The following ADAM9 variants were observed in gnomAD, a reference collection of about 807,000 sequenced individuals.
ADAM9 encodes disintegrin and metalloproteinase domain-containing protein 9.
A neutral mutation model predicts 108.1 loss-of-function variants in ADAM9; 54 were observed. The observed-to-expected ratio is 0.50, with a 90% CI of 0.40 to 0.63. The LOEUF is 0.63. ADAM9 is among the 20% of genes least tolerant of loss of function. The pLI, the probability that ADAM9 is intolerant of heterozygous loss-of-function variation, is 0.00. For synonymous variants in ADAM9, 316 were observed against 336.0 expected, an observed-to-expected ratio of 0.94 and a Z score of 0.65; for missense variants, 830 against 997.7, an observed-to-expected ratio of 0.83 and a Z score of 2.26.
Position 39,033,065 on chromosome 8 carries a change from T to C in ADAM9, c.1130+6255T>C, listed in dbSNP as rs117999288. Among the ~76,000 whole-genome samples the C allele has an allele frequency of 9.8e-3, 1,493 of 152,322 alleles. 11 individuals carry two copies. Among genetic ancestry groups the C allele is most frequent in the Non-Finnish European group, 0.017 (1,149 of 68,024 alleles). On this transcript the variant is annotated intron_variant, in intron 11 of 21. Transcript: ENST00000487273. ...TCTGCCTGTATGTGAGCATGAAATA[T>C]CTCTCCATTTATTTAGTTCTTTGAT...
Position 39,082,812 on chromosome 8 carries a change from A to T in ADAM9, c.1962+91A>T. The T allele has an allele frequency of 3.6e-6, 5 of 1,375,246 alleles. No homozygotes were observed. In the South Asian group the frequency reaches 5.9e-5, roughly 16 times the overall value. 85.2% of individuals were successfully genotyped at this position (1,375,246 alleles called of 1,614,324 possible). On this transcript the variant is annotated intron_variant, in intron 17 of 21. Coordinates refer to ENST00000487273, the MANE Select transcript of ADAM9 (RefSeq NM_003816.3). ...AGATGAGAGTTCCCAGGATTTTCAGATGTTGGGGAATTTAGATTCCTGATA... is the reference window on the plus strand; with the variant it reads ...AGATGAGAGTTCCCAGGATTTTCAGTTGTTGGGGAATTTAGATTCCTGATA...
At chr8:39,062,311 T>C (rs760657565) in intron 14 of ADAM9, among the ~76,000 whole-genome samples, 5 of 152,224 alleles carry the variant, frequency 3.3e-5, no homozygotes, top group Non-Finnish European at 7.3e-5. Context: ...ACCCTGCCTT[T>C]AGTTGAGAGT....
chr8:38,997,098 T>C lies in ADAM9; in HGVS notation c.35T>C (p.Leu12Pro). ...GGCGCGCGCTTTCCCTCGGGGACCC[T>C]TCGTGTCCGGTGGTTGCTGTTGCTT... ...GSGARFPSGT[L>P]RVRWLLLLGL... Residue 12 changes from leucine (L) to proline (P), a missense_variant, in exon 1 of 22, where the codon CTT (leucine) becomes CCT (proline). By Grantham distance (98) the Leu-to-Pro change is moderately conservative. Coordinates refer to ENST00000487273, the MANE Select transcript of ADAM9 (RefSeq NM_003816.3). The C allele has an allele frequency of 6.2e-7, 1 of 1,606,534 alleles. No homozygotes were observed.
chr8:39,071,490 C>T (rs1231508418), intron 15 of ADAM9, 87 bp downstream of exon 15: 18 of 1,055,754 alleles, frequency 1.7e-5, no homozygotes, highest in Middle Eastern at 2.3e-4. Context: ...TTTTTTGAGA[C>T]GGAGTCTTGC....
rs377321743 is a variant in ADAM9, at chr8:39,100,471, C to T, written c.2299-1392C>T. Among the ~76,000 whole-genome samples the T allele has an allele frequency of 7.4e-3, 1,098 of 148,638 alleles. 3 individuals carry two copies. Among genetic ancestry groups the T allele is most frequent in the Non-Finnish European group, 0.012 (805 of 67,486 alleles). ...TCGCGCCACTGCACTCCAGCCAGGG[C>T]GACAGAGCCAGACTCCGTCTCAAAA... On this transcript the variant is annotated intron_variant, in intron 20 of 21. Transcript: ENST00000487273.
At chr8:39,030,804 A>C (rs1475359380) in intron 11 of ADAM9, among the ~76,000 whole-genome samples, 9 of 152,186 alleles carry the variant, frequency 5.9e-5, no homozygotes, top group Non-Finnish European at 1.2e-4. Flanking sequence ...ATAGGCATGT[A>C]GTGGTATCTC....
chr8:39,080,424 A>G lies in ADAM9; in HGVS notation c.1882-2217A>G, dbSNP rs577086005. Among the ~76,000 whole-genome samples the G allele has an allele frequency of 7.0e-4, 107 of 152,276 alleles. 1 individual carries two copies. Among genetic ancestry groups the G allele is most frequent in the South Asian group, 4.8e-3 (23 of 4,824 alleles). On this transcript the variant is annotated intron_variant, in intron 16 of 21. Coordinates refer to ENST00000487273, the MANE Select transcript of ADAM9 (RefSeq NM_003816.3). The stretch of plus-strand genomic sequence containing the variant: ...ATAGTTTTCTAGCTATGACAATAAT[A>G]TTTATGTACAAGAAAGGATAGCAAG...
rs771587211 is a variant in ADAM9 at position 39,014,025 on chromosome 8, T to G, written c.315T>G (p.Thr105=). The change falls in exon 4 of 22, where the codon ACT becomes ACG. Residue 105 remains threonine (T), a synonymous_variant. Coordinates refer to ENST00000487273, the MANE Select transcript of ADAM9 (RefSeq NM_003816.3). ...YTYNKEGTLI[T]DHPNIQNHCH... is the part of the protein sequence containing the mutation. ...ACAACAAGGAAGGGACTTTAATCAC[T>G]GACCATCCCAATATACAGGTAATGT... 5.6e-6 allele frequency: 9 copies of G among 1,613,084 alleles called. No individual in the cohort carries two copies. Among genetic ancestry groups the G allele is most frequent in the Non-Finnish European group, 7.6e-6 (9 of 1,179,242 alleles).
chr8:39,038,918 C>CT (rs1274127480), intron 11 of ADAM9, among the ~76,000 whole-genome samples: 1 of 152,064 alleles, frequency 6.6e-6, no homozygotes, highest in Non-Finnish European at 1.5e-5. Flanking sequence ...CTCTGCCAGT[C>CT]TTTTAAAATC....
chr8:39,011,690 G>A lies in ADAM9; in HGVS notation c.228G>A (p.Glu76=), dbSNP rs906588804. ...ATGTTATTCAGGCTGAAGGAAAAGA[G>A]CATATTATTCACTTGGAAAGGAACA... The part of the protein sequence containing the change: ...VSYVIQAEGK[E]HIIHLERNKD... Residue 76 remains glutamate (E), a synonymous_variant, in exon 3 of 22, where the codon GAG becomes GAA. Coordinates refer to ENST00000487273, the MANE Select transcript of ADAM9 (RefSeq NM_003816.3). 1 of 1,611,846 alleles carries A rather than the reference G, an allele frequency of 6.2e-7. No homozygotes were observed. The highest frequency in any genetic ancestry group is 1.3e-5 in the African/African-American group (1 of 74,866).
Position 39,065,169 on chromosome 8 carries a change from G to T in ADAM9, c.1592-6129G>T, listed in dbSNP as rs192115242. ...GATTTCCTTGGATTTTGGATTTCCT[G>T]GATTTTCTTATCTTTCCTGTCTTTT... On this transcript the variant is annotated intron_variant, in intron 14 of 21. Coordinates refer to ENST00000487273, the MANE Select transcript of ADAM9 (RefSeq NM_003816.3). Among the ~76,000 whole-genome samples the T allele has an allele frequency of 4.2e-4, 63 of 150,000 alleles. 1 individual carries two copies. Among genetic ancestry groups the T allele is most frequent in the African/African-American group, 1.4e-3 (59 of 40,902 alleles).
chr8:39,076,047 AATAAT>A (rs1247279492), intron 15 of ADAM9: 1 of 152,258 alleles, frequency 6.6e-6, no homozygotes, highest in African/African-American at 2.4e-5. Context: ...CAAGGACATC[AATAAT>A]ATAATGTAGT....
intron 14 of ADAM9, among the ~76,000 whole-genome samples, chr8:39,070,946 A>G (rs567865695): frequency 4.6e-5 from 7 of 152,322 alleles, no homozygotes; most frequent in African/African-American, 1.7e-4. Context: ...CCAGTGGTGC[A>G]GTTGGTTTAT....
chr8:39,104,699 T>C lies in ADAM9; in HGVS notation c.*999T>C, dbSNP rs2129443727. On this transcript the variant is annotated 3_prime_UTR_variant, in exon 22 of 22. Transcript: ENST00000487273. ...TCATGTAAAATATTAGACACTAATATTTTCATAGAAATTAGGCTGGAGAAA... is the reference window on the plus strand; with the variant it reads ...TCATGTAAAATATTAGACACTAATACTTTCATAGAAATTAGGCTGGAGAAA... 2.2e-6 allele frequency: 1 copy of C among 453,834 alleles called. No homozygotes were observed. The highest frequency in any genetic ancestry group is 2.0e-5 in the African/African-American group (1 of 50,112). 28.1% of individuals were successfully genotyped at this position (453,834 alleles called of 1,614,324 possible). A position where few individuals can be genotyped will look rare whatever the true frequency, so the allele number is the denominator to read the frequency against.
At chr8:39,080,469 G>A (rs1838985393) in intron 16 of ADAM9, among the ~76,000 whole-genome samples, 1 of 152,102 alleles carries the variant, frequency 6.6e-6, no homozygotes, top group Non-Finnish European at 1.5e-5. Flanking sequence ...TGTGTACCTG[G>A]ACTGATACAC....
At chr8:39,094,240 A>G (rs1443732066) in intron 20 of ADAM9, among the ~76,000 whole-genome samples, 2 of 152,200 alleles carry the variant, frequency 1.3e-5, no homozygotes, top group African/African-American at 4.8e-5. Context: ...TGATTTGAAT[A>G]TGTTAAACCA....
rs970518390 is a variant in ADAM9 at position 39,104,378 on chromosome 8, T to G, written c.*678T>G. The G allele has an allele frequency of 1.1e-5, 5 of 442,426 alleles. 1 individual carries two copies. The highest frequency in any genetic ancestry group is 2.3e-5 in the Non-Finnish European group (5 of 220,402). The allele number at this position is 442,426 out of a possible 1,614,324, so 27.4% of individuals were successfully genotyped here. On this transcript the variant is annotated 3_prime_UTR_variant, in exon 22 of 22. Transcript: ENST00000487273. ...TGACCTTTCAACTATAGGTAATAAC[T>G]CTTAGAGAAATTAATTTAATATTAG...
chr8:39,029,131 GTT>G (rs35682054), intron 11 of ADAM9, among the ~76,000 whole-genome samples: 2 of 142,566 alleles, frequency 1.4e-5, no homozygotes, highest in African/African-American at 2.6e-5. Context: ...TGTTGTTGTT[GTT>G]TTTTTTTTTT....
intron 19 of ADAM9, among the ~76,000 whole-genome samples, chr8:39,090,798 A>G (rs1052389114): frequency 6.6e-6 from 1 of 152,214 alleles, no homozygotes; most frequent in African/African-American, 2.4e-5. Flanking sequence ...GAGTTCCATA[A>G]CTACAGCTAT....
Sources: allele counts gnomAD v4.1 joint callset (sites outside exome capture counted in the v4.1 genomes callset), GRCh38; gene constraint gnomAD v4.1.1; transcripts MANE v1.5; gene names NCBI Gene and HGNC (gene_info 2026-07-23, HGNC 2026-07-21).